IGF2BP2: variants seen among roughly 807,000 people sequenced by gnomAD.
The protein encoded by IGF2BP2 is insulin like growth factor 2 mRNA binding protein 2.
In IGF2BP2, 17 loss-of-function variants were observed where a neutral mutation model predicts 75.8. That is an observed-to-expected ratio of 0.22 (90% confidence interval 0.15 to 0.34). The LOEUF (loss-of-function observed/expected upper bound fraction) is 0.34, where lower values mean the gene tolerates loss of function less well. Among genes scored for constraint, IGF2BP2 ranks in the 10% least tolerant of loss-of-function variants. IGF2BP2 has a pLI of 1.00. For missense variants in IGF2BP2, 516 were observed against 772.4 expected, an observed-to-expected ratio of 0.67 and a Z score of 3.93; for synonymous variants, 288 against 295.6, an observed-to-expected ratio of 0.97 and a Z score of 0.26.
chr3:185,808,564 T>C (rs768388022), intron 2 of IGF2BP2, among the ~76,000 whole-genome samples: 2 of 152,026 alleles, frequency 1.3e-5, no homozygotes, highest in Non-Finnish European at 2.9e-5. Context: ...TTACTTTTTT[T>C]CTTCTGAGAC....
chr3:185,805,878 C>A (rs1738958716), intron 2 of IGF2BP2, among the ~76,000 whole-genome samples: 1 of 150,274 alleles, frequency 6.7e-6, no homozygotes, highest in African/African-American at 2.5e-5. Context: ...TCAACTGATT[C>A]TCCTGCCTCA....
At chr3:185,741,739 G>A (rs909201470) in intron 2 of IGF2BP2, among the ~76,000 whole-genome samples, 5 of 152,202 alleles carry the variant, frequency 3.3e-5, no homozygotes, top group African/African-American at 9.7e-5. Context: ...CAATGAGTAC[G>A]GGATTTTGGT....
At chr3:185,649,223 T>C (rs1219949579) in intron 14 of IGF2BP2, among the ~76,000 whole-genome samples, 180 bp downstream of exon 14, 5 of 151,800 alleles carry the variant, frequency 3.3e-5, no homozygotes, top group African/African-American at 1.2e-4. Context: ...CGATGACATT[T>C]TTGTCCTTGG....
At chr3:185,686,112 G>A (rs1202208183) in intron 7 of IGF2BP2, among the ~76,000 whole-genome samples, 2 of 152,348 alleles carry the variant, frequency 1.3e-5, no homozygotes, top group Middle Eastern at 3.4e-3. Flanking sequence ...GGCTGGACAT[G>A]GTGGCTCATG....
At chr3:185,754,646 G>C (rs534823711) in intron 2 of IGF2BP2, among the ~76,000 whole-genome samples, 62 of 151,980 alleles carry the variant, frequency 4.1e-4, no homozygotes, top group Non-Finnish European at 4.4e-4. Flanking sequence ...AATGCTGATA[G>C]AGATATGGAC....
At chr3:185,751,572 G>C (rs1176164652) in intron 2 of IGF2BP2, among the ~76,000 whole-genome samples, 1 of 150,282 alleles carries the variant, frequency 6.7e-6, no homozygotes, top group African/African-American at 2.5e-5. Flanking sequence ...CTTGAGGCAG[G>C]AGACGGAGGT....
rs1341525528 is a variant in IGF2BP2, at chr3:185,665,488, GAGA to G, written c.1200+7050_1200+7052del. Reference sequence around the variant, plus strand: ...GAAGAAGAAGAAGGAGAAGAAGGAGGAGAAGGAGGAGGAGAAGGAGGAGGAGGA... The same window carrying G: ...GAAGAAGAAGAAGGAGAAGAAGGAGGAGGAGGAGGAGAAGGAGGAGGAGGA... On this transcript the variant is annotated intron_variant, in intron 10 of 15. Coordinates refer to ENST00000382199, the MANE Select transcript of IGF2BP2 (RefSeq NM_006548.6). 1.0e-3 allele frequency among the ~76,000 whole-genome samples: 59 copies of G among 57,456 alleles called. 6 individuals carry two copies. The highest frequency in any genetic ancestry group is 2.8e-3 in the South Asian group (3 of 1,064). The allele number at this position is 57,456 out of a possible 152,430, so 37.7% of individuals were successfully genotyped here.
At chr3:185,816,035 G>C (rs1297411005) in intron 2 of IGF2BP2, among the ~76,000 whole-genome samples, 2 of 152,116 alleles carry the variant, frequency 1.3e-5, no homozygotes, top group Admixed American at 1.3e-4. Flanking sequence ...GGAAAGACCT[G>C]GCAGTTCCTA....
intron 2 of IGF2BP2, among the ~76,000 whole-genome samples, chr3:185,708,973 T>C (rs1384423770): frequency 6.6e-6 from 1 of 152,194 alleles, no homozygotes; most frequent in Non-Finnish European, 1.5e-5. Context: ...TGATGAAGAT[T>C]CCGGTTAACA....
intron 15 of IGF2BP2, among the ~76,000 whole-genome samples, chr3:185,646,625 AGTGCTC>A (rs1713603581): frequency 2.0e-5 from 3 of 152,118 alleles, no homozygotes; most frequent in Non-Finnish European, 4.4e-5. Flanking sequence ...TTTCACAGGG[AGTGCTC>A]AGGCTTTCAG....
In IGF2BP2 at chr3:185,657,414, A is replaced by G. The variant is rs1455494063; in HGVS notation, c.1270-12T>C. 1.3e-6 allele frequency: 2 copies of G among 1,591,552 alleles called. No individual in the cohort carries two copies. Among genetic ancestry groups the G allele is most frequent in the South Asian group, 2.2e-5 (2 of 90,032 alleles). On this transcript the variant is annotated splice_polypyrimidine_tract_variant and intron_variant, in intron 11 of 15. Coordinates refer to ENST00000382199, the MANE Select transcript of IGF2BP2 (RefSeq NM_006548.6). ...TCCTGCTCTGGATACTGGGAGGGCGAGACAAGAAAGAAGACATCATTCCAA... is the reference window on the plus strand; with the variant it reads ...TCCTGCTCTGGATACTGGGAGGGCGGGACAAGAAAGAAGACATCATTCCAA...
chr3:185,744,921 C>A (rs1371340644), intron 2 of IGF2BP2, among the ~76,000 whole-genome samples: 2 of 152,146 alleles, frequency 1.3e-5, no homozygotes, highest in Non-Finnish European at 2.9e-5. Context: ...TAAAGATAAA[C>A]CTAGTTTTTT....
chr3:185,673,414 C>T (rs1047058810), intron 9 of IGF2BP2, among the ~76,000 whole-genome samples: 1 of 152,232 alleles, frequency 6.6e-6, no homozygotes, highest in Non-Finnish European at 1.5e-5. Context: ...TGTAAATTCC[C>T]ACATACGTAA....
intron 2 of IGF2BP2, among the ~76,000 whole-genome samples, chr3:185,818,193 C>T (rs1045426238): frequency 6.6e-6 from 1 of 152,088 alleles, no homozygotes; most frequent in African/African-American, 2.4e-5. Context: ...AATGGAAGTG[C>T]ATATTCAAAT....
intron 13 of IGF2BP2, among the ~76,000 whole-genome samples, chr3:185,650,660 G>A (rs1430132925): frequency 6.6e-6 from 1 of 151,506 alleles, no homozygotes; most frequent in Non-Finnish European, 1.5e-5. Context: ...ATGGGTGACA[G>A]AGGGAGACTC....
At chr3:185,678,736 A>G (rs1370129290) in intron 7 of IGF2BP2, among the ~76,000 whole-genome samples, 1 of 152,160 alleles carries the variant, frequency 6.6e-6, no homozygotes, top group Non-Finnish European at 1.5e-5. Flanking sequence ...TAAGTTTCCT[A>G]CTGTTATCAT....
intron 2 of IGF2BP2, among the ~76,000 whole-genome samples, chr3:185,764,629 A>G (rs1470692800): frequency 6.6e-6 from 1 of 152,208 alleles, no homozygotes; most frequent in Non-Finnish European, 1.5e-5. Context: ...GAGCTTTTCT[A>G]GAGATCATCT....
At chr3:185,725,742 C>T (rs1489972033) in intron 2 of IGF2BP2, among the ~76,000 whole-genome samples, 1 of 152,136 alleles carries the variant, frequency 6.6e-6, no homozygotes, top group African/African-American at 2.4e-5. Context: ...GAGGCCAAAG[C>T]AGGAGGACTG....
chr3:185,717,065 CAT>C, intron 2 of IGF2BP2: 1 of 292,908 alleles, frequency 3.4e-6, no homozygotes, highest in Non-Finnish European at 6.8e-6. Flanking sequence ...CAATTCAGCT[CAT>C]GTTGGTCATT....
Sources: gnomAD v4.1 joint callset for allele counts (sites outside exome capture counted in the v4.1 genomes callset) on GRCh38, gnomAD v4.1.1 for gene constraint, MANE v1.5 for transcripts, NCBI Gene and HGNC (gene_info 2026-07-23, HGNC 2026-07-21) for gene names.